Variants in ATP2B2 observed in about 807,000 individuals in gnomAD.
ATP2B2 encodes the protein plasma membrane calcium-transporting ATPase 2.
In ATP2B2, 15 loss-of-function variants were observed where a neutral mutation model predicts 120.0. The ratio of observed to expected loss-of-function variants is 0.12; its 90% CI spans 0.08 to 0.19. The LOEUF is 0.19. Ranked by LOEUF, ATP2B2 falls within the 10% of genes least tolerant of loss-of-function variation. The pLI is 1.00. For missense variants in ATP2B2, 1,045 were observed against 1,719.8 expected (o/e 0.61, Z 6.94); for synonymous variants, 694 against 700.3 (o/e 0.99, Z 0.14).
At chr3:10,506,225 G>T (rs1210082080), upstream of ATP2B2, among the ~76,000 whole-genome samples, 1 of 152,112 alleles carries the variant, frequency 6.6e-6, no homozygotes, top group Non-Finnish European at 1.5e-5. Flanking sequence ...GCTCTCTGCT[G>T]CCCTGAAGCG....
At chr3:10,354,697 G>C (rs779269519) in intron 14 of ATP2B2, among the ~76,000 whole-genome samples, 1 of 152,200 alleles carries the variant, frequency 6.6e-6, no homozygotes, top group Non-Finnish European at 1.5e-5. Flanking sequence ...TGGGCTTCTC[G>C]TGGGAGGAAG....
intron 12 of ATP2B2, among the ~76,000 whole-genome samples, chr3:10,361,420 C>G (rs966941588): frequency 6.6e-6 from 1 of 152,196 alleles, no homozygotes; most frequent in Admixed American, 6.5e-5. Flanking sequence ...TATGAATATG[C>G]TGCAAAGACT....
chr3:10,340,476 G>A lies in ATP2B2; in HGVS notation c.3129+17C>T, dbSNP rs1331597400. The A allele has an allele frequency of 8.7e-6, 14 of 1,614,210 alleles. No homozygotes were observed. The highest frequency in any genetic ancestry group is 1.2e-5 in the Non-Finnish European group (14 of 1,180,016). ...TGCTGCCCACCCCGGGCCTGGTTAG[G>A]GTGGGGGCCTCACTACCTGGATGGC... On this transcript the variant is annotated intron_variant, in intron 20 of 22. Transcript: ENST00000360273. The surrounding 1 kb of genome is among the most constrained non-coding windows in gnomAD (Gnocchi z 5.0).
intron 1 of ATP2B2, among the ~76,000 whole-genome samples, chr3:10,467,411 C>G (rs1174497681): frequency 3.3e-5 from 5 of 152,156 alleles, no homozygotes; most frequent in Admixed American, 3.3e-4. Flanking sequence ...TATGCTAACC[C>G]CACTCTCCGG....
chr3:10,523,142 T>A (rs2067019063), intron 3 of ATP2B2, among the ~76,000 whole-genome samples: 1 of 152,256 alleles, frequency 6.6e-6, no homozygotes, highest in South Asian at 2.1e-4. Flanking sequence ...GGCTGGTTTT[T>A]ATTGTTTAAT....
At chr3:10,431,432 G>A (rs573462223) in intron 2 of ATP2B2, among the ~76,000 whole-genome samples, 5 of 152,222 alleles carry the variant, frequency 3.3e-5, no homozygotes, top group African/African-American at 7.2e-5. Flanking sequence ...CATCAACATC[G>A]AGGCAAGACC....
At chr3:10,394,453 G>T (rs1304489517) in intron 5 of ATP2B2, 1 of 471,052 alleles carries the variant, frequency 2.1e-6, no homozygotes, top group Non-Finnish European at 4.4e-6. Flanking sequence ...GATGGCCCAG[G>T]GTCACACAGC....
chr3:10,608,977 T>C (rs1260379863), intron 2 of ATP2B2, among the ~76,000 whole-genome samples: 2 of 152,168 alleles, frequency 1.3e-5, no homozygotes, highest in African/African-American at 4.8e-5. Flanking sequence ...CCCCTTGCCT[T>C]GACTGCAAGC....
At chr3:10,466,438 A>G (rs2064744875) in intron 1 of ATP2B2, among the ~76,000 whole-genome samples, 1 of 151,776 alleles carries the variant, frequency 6.6e-6, no homozygotes, top group African/African-American at 2.4e-5. Flanking sequence ...CGGAAATAAG[A>G]CTCTGTCTAG....
chr3:10,688,483 C>A (rs2071578013), intron 1 of ATP2B2, among the ~76,000 whole-genome samples: 1 of 152,196 alleles, frequency 6.6e-6, no homozygotes, highest in African/African-American at 2.4e-5. Flanking sequence ...CTAATTCCTG[C>A]TGTTCAAGAT....
At chr3:10,693,609 T>G (rs2071701843) in intron 1 of ATP2B2, among the ~76,000 whole-genome samples, 1 of 152,244 alleles carries the variant, frequency 6.6e-6, no homozygotes, top group East Asian at 1.9e-4. Context: ...TTCTTTGCGG[T>G]GATATGTTCC....
At chr3:10,565,246 A>C (rs1284675758) in intron 2 of ATP2B2, among the ~76,000 whole-genome samples, 2 of 152,150 alleles carry the variant, frequency 1.3e-5, no homozygotes, top group Non-Finnish European at 2.9e-5. Context: ...CTACCCTGCT[A>C]TTTGGAGGTC....
At chr3:10,522,803 T>C (rs1018595589) in intron 3 of ATP2B2, among the ~76,000 whole-genome samples, 1 of 152,172 alleles carries the variant, frequency 6.6e-6, no homozygotes, top group Admixed American at 6.5e-5. Context: ...AGAGAGGTAA[T>C]GGGGCTTGCT....
intron 2 of ATP2B2, among the ~76,000 whole-genome samples, chr3:10,605,762 C>T (rs1372009186): frequency 6.6e-6 from 1 of 151,972 alleles, no homozygotes; most frequent in African/African-American, 2.4e-5. Flanking sequence ...GATTCTCCTG[C>T]CTCAGCCTCC....
At chr3:10,461,600 G>A (rs1311067869) in intron 1 of ATP2B2, among the ~76,000 whole-genome samples, 1 of 152,148 alleles carries the variant, frequency 6.6e-6, no homozygotes, top group Non-Finnish European at 1.5e-5. Context: ...CTTGAGGGCT[G>A]GTTAAAACAC....
intron 2 of ATP2B2, among the ~76,000 whole-genome samples, chr3:10,548,629 A>C (rs183327648): frequency 3.3e-5 from 5 of 152,288 alleles, no homozygotes; most frequent in Admixed American, 2.0e-4. Context: ...GCCCACAGTG[A>C]TAATTAACTT....
intron 2 of ATP2B2, among the ~76,000 whole-genome samples, chr3:10,432,489 T>C (rs11926240): frequency 0.034 from 5,176 of 152,328 alleles, 288 homozygotes; most frequent in African/African-American, 0.12. Context: ...AGCCAGAACA[T>C]GAGAGGGAGA....
intron 2 of ATP2B2, among the ~76,000 whole-genome samples, chr3:10,612,970 G>C (rs2069282447): frequency 6.6e-6 from 1 of 152,182 alleles, no homozygotes; most frequent in Non-Finnish European, 1.5e-5. Context: ...GAGTCAGGAT[G>C]GGGGCTGGGC....
chr3:10,683,760 G>GTGTGTATGTATGTATATA (rs1446781892), intron 1 of ATP2B2, among the ~76,000 whole-genome samples: 1 of 53,884 alleles, frequency 1.9e-5, no homozygotes, highest in African/African-American at 5.6e-5. Context: ...GTGTGTGTGT[G>GTGTGTATGTATGTATATA]TATATATATA....
Sources: allele counts gnomAD v4.1 joint callset (sites outside exome capture counted in the v4.1 genomes callset), GRCh38; gene constraint gnomAD v4.1.1; non-coding constraint Gnocchi (gnomAD v3.1); transcripts MANE v1.5; gene names NCBI Gene and HGNC (gene_info 2026-07-23, HGNC 2026-07-21).